The following THUMPD2 variants were observed in gnomAD, a reference collection of about 807,000 sequenced individuals.
The protein encoded by THUMPD2 is U6 snRNA (guanine-N(2))-methyltransferase THUMPD2.
In THUMPD2, 56 loss-of-function variants were observed where a neutral mutation model predicts 49.4. The ratio of observed to expected loss-of-function variants is 1.13; its 90% CI spans 0.91 to 1.41. The LOEUF (loss-of-function observed/expected upper bound fraction) is 1.41. Ranked by LOEUF, THUMPD2 falls within the 40% of genes most tolerant of loss-of-function variation. THUMPD2 has a pLI of 0.00. For missense variants in THUMPD2, 709 were observed against 594.5 expected, an observed-to-expected ratio of 1.19 and a Z score of -2.00; for synonymous variants, 237 against 205.2, an observed-to-expected ratio of 1.15 and a Z score of -1.32.
chr2:39,768,641 G>T, intron 3 of THUMPD2, 140 bp from the exon 4 acceptor site: 1 of 765,242 alleles, frequency 1.3e-6, no homozygotes, highest in Non-Finnish European at 2.1e-6. Context: ...TATTAAAATT[G>T]TACATGAAAG....
At chr2:39,755,851 T>C (rs192280226) in intron 7 of THUMPD2, 38 bp downstream of exon 7, 1 of 1,548,090 alleles carries the variant, frequency 6.5e-7, no homozygotes, top group Non-Finnish European at 8.9e-7. Flanking sequence ...CTGATTAAAG[T>C]AGATAAATTG....
At chr2:39,738,692 T>C (rs1231152823) in intron 9 of THUMPD2, among the ~76,000 whole-genome samples, 1 of 148,180 alleles carries the variant, frequency 6.7e-6, no homozygotes, top group Non-Finnish European at 1.5e-5. Flanking sequence ...TATATACATA[T>C]ATAAATTATA....
intron 9 of THUMPD2, among the ~76,000 whole-genome samples, chr2:39,742,820 A>AT (rs1326335715): frequency 1.3e-5 from 2 of 152,144 alleles, no homozygotes; most frequent in Non-Finnish European, 2.9e-5. Context: ...AGGGATCAGT[A>AT]TTTTTTAAAA....
chr2:39,758,232 AAATT>A (rs946593152), intron 6 of THUMPD2, among the ~76,000 whole-genome samples: 5 of 152,326 alleles, frequency 3.3e-5, no homozygotes, highest in African/African-American at 1.2e-4. Context: ...GTTTGGGAAA[AAATT>A]AACCATACCT....
At chr2:39,753,002 C>G (rs932122132) in intron 8 of THUMPD2, among the ~76,000 whole-genome samples, 11 of 151,984 alleles carry the variant, frequency 7.2e-5, no homozygotes, top group African/African-American at 2.7e-4. Flanking sequence ...ACAAGCAATT[C>G]TCCTCCTTCC....
In THUMPD2 at chr2:39,736,072, C is replaced by CTT. The variant is rs1673052814; in HGVS notation, c.*661_*662dup. The CTT allele has an allele frequency of 6.6e-6, 1 of 152,214 alleles. No individual in the cohort carries two copies. The highest frequency in any genetic ancestry group is 1.5e-5 in the Non-Finnish European group (1 of 68,034). 9.4% of individuals were successfully genotyped at this position (152,214 alleles called of 1,614,324 possible). A position where few individuals can be genotyped will look rare whatever the true frequency, so the allele number is the denominator to read the frequency against. On this transcript the variant is annotated 3_prime_UTR_variant, in exon 10 of 10. Coordinates refer to ENST00000505747, the MANE Select transcript of THUMPD2 (RefSeq NM_025264.5). ...AACCAGAGCATATATTCTCCTCAAACTTACTGTTTCTTTTTCTCAGGTAGT... is the reference window on the plus strand; with the variant it reads ...AACCAGAGCATATATTCTCCTCAAACTTTTACTGTTTCTTTTTCTCAGGTAGT...
At chr2:39,757,445 C>G (rs73924935) in intron 6 of THUMPD2, 9 of 1,294,054 alleles carry the variant, frequency 7.0e-6, no homozygotes, top group Non-Finnish European at 9.1e-6. Context: ...GAATATCACA[C>G]AAATCCCCCA....
chr2:39,769,621 G>A, intron 3 of THUMPD2, 89 bp downstream of exon 3: 2 of 1,333,030 alleles, frequency 1.5e-6, no homozygotes, highest in Non-Finnish European at 2.0e-6. Context: ...AGAATCACCT[G>A]AACCTGGGAG....
At chr2:39,775,704 A>G (rs1405509628) in intron 1 of THUMPD2, among the ~76,000 whole-genome samples, 3 of 142,028 alleles carry the variant, frequency 2.1e-5, no homozygotes, top group Non-Finnish European at 4.5e-5. Flanking sequence ...CGGAGGTTGC[A>G]GTGAGCCAAG....
chr2:39,742,751 T>A (rs1674070090), intron 9 of THUMPD2, among the ~76,000 whole-genome samples: 1 of 152,188 alleles, frequency 6.6e-6, no homozygotes, highest in Admixed American at 6.5e-5. Flanking sequence ...GAACTACCAA[T>A]GCTTGAGTCC....
At chr2:39,768,581 G>T in intron 3 of THUMPD2, 80 bp from the exon 4 acceptor site, 1 of 1,138,922 alleles carries the variant, frequency 8.8e-7, no homozygotes, top group Non-Finnish European at 1.3e-6. Context: ...TAACAGAGTA[G>T]CCTATAAGAA....
At chr2:39,754,808 T>C (rs1675880859) in intron 8 of THUMPD2, among the ~76,000 whole-genome samples, 1 of 152,216 alleles carries the variant, frequency 6.6e-6, no homozygotes, top group East Asian at 1.9e-4. Context: ...CAGACTTTGC[T>C]GATTTTAGCA....
At chr2:39,763,134 T>C (rs531558720) in intron 5 of THUMPD2, among the ~76,000 whole-genome samples, 12 of 152,054 alleles carry the variant, frequency 7.9e-5, no homozygotes, top group Non-Finnish European at 1.0e-4. Flanking sequence ...GGTTCAAAAA[T>C]AAATGTGGTT....
intron 8 of THUMPD2, among the ~76,000 whole-genome samples, chr2:39,748,560 C>T (rs1253699043): frequency 6.6e-6 from 1 of 152,020 alleles, no homozygotes; most frequent in African/African-American, 2.4e-5. Context: ...TGGTAGCATG[C>T]GCCTGTAGTC....
chr2:39,769,705 C>T lies in THUMPD2; in HGVS notation c.672+5G>A, dbSNP rs781314377. On this transcript the variant is annotated splice_donor_5th_base_variant and intron_variant, in intron 3 of 9. Transcript: ENST00000505747. ...GACAGACTCCACTTTAGGATGCAAGCATACCTGTGCAGTGAAGGCCTTTCC... is the reference window on the plus strand; with the variant it reads ...GACAGACTCCACTTTAGGATGCAAGTATACCTGTGCAGTGAAGGCCTTTCC... 6.5e-7 allele frequency: 1 copy of T among 1,529,322 alleles called. No individual in the cohort carries two copies. The highest frequency in any genetic ancestry group is 8.7e-7 in the Non-Finnish European group (1 of 1,147,264). 94.7% of individuals were successfully genotyped at this position (1,529,322 alleles called of 1,614,324 possible).
At chr2:39,751,557 T>TA (rs992929085) in intron 8 of THUMPD2, among the ~76,000 whole-genome samples, 1 of 152,204 alleles carries the variant, frequency 6.6e-6, no homozygotes, top group African/African-American at 2.4e-5. Context: ...TCTGCAGATT[T>TA]AAAAAAGCCT....
rs1295665789 is a variant in THUMPD2 at position 39,761,406 on chromosome 2, G to A, written c.816C>T (p.Ala272=). 6.2e-7 allele frequency: 1 copy of A among 1,613,582 alleles called. No individual in the cohort carries two copies. Among genetic ancestry groups the A allele is most frequent in the East Asian group, 2.2e-5 (1 of 44,834 alleles). Residue 272 remains alanine (A), a synonymous_variant, in exon 6 of 10, where the codon GCC becomes GCT. Transcript: ENST00000505747. ...CAGCTGTCTTGATGTAAGCTCTGCT[G>A]GCTAGGGAAACCCTACAAAGGATAG... The part of the protein sequence containing the change: ...VGIPVFRVSL[A]SRAYIKTAGL...
At chr2:39,774,192 C>G (rs924889292) in intron 1 of THUMPD2, among the ~76,000 whole-genome samples, 6 of 152,246 alleles carry the variant, frequency 3.9e-5, no homozygotes, top group African/African-American at 1.4e-4. Flanking sequence ...AAGATAGGAT[C>G]TGGCCAGTGA....
chr2:39,762,840 T>C (rs1677000837), intron 5 of THUMPD2, among the ~76,000 whole-genome samples: 1 of 150,740 alleles, frequency 6.6e-6, no homozygotes, highest in African/African-American at 2.4e-5. Flanking sequence ...TATGAAAAAA[T>C]GCTCTTCTAA....
Sources: gnomAD v4.1 joint callset for allele counts (sites outside exome capture counted in the v4.1 genomes callset) on GRCh38, gnomAD v4.1.1 for gene constraint, MANE v1.5 for transcripts, NCBI Gene and HGNC (gene_info 2026-07-23, HGNC 2026-07-21) for gene names.